Variants in PCDHGA8 observed in about 807,000 individuals in gnomAD.
PCDHGA8 encodes the protein protocadherin gamma subfamily A, 8.
In PCDHGA8, 45 loss-of-function variants were observed where a neutral mutation model predicts 59.2. The ratio of observed to expected loss-of-function variants is 0.76; its 90% confidence interval spans 0.60 to 0.98. The LOEUF is 0.98. Among genes scored for constraint, PCDHGA8 ranks in the 50% least tolerant of loss-of-function variants. PCDHGA8 has a pLI of 0.00. For synonymous variants in PCDHGA8, 531 were observed against 519.0 expected, an observed-to-expected ratio of 1.02 and a Z score of -0.32; for missense variants, 1,257 against 1,196.2, an observed-to-expected ratio of 1.05 and a Z score of -0.75.
At chr5:141,417,702 A>G (rs2096149298) in intron 1 of PCDHGA8, 2 of 1,199,336 alleles carry the variant, frequency 1.7e-6, no homozygotes, top group Non-Finnish European at 1.1e-6. Context: ...CAGCTCCCAC[A>G]CAGAGGCTCC....
At chr5:141,413,498 T>G (rs1187570193) in intron 1 of PCDHGA8, 1 of 1,614,026 alleles carries the variant, frequency 6.2e-7, no homozygotes, top group Admixed American at 1.7e-5. Context: ...CGGTGCGTGG[T>G]GAGTTTTAAT....
In PCDHGA8 at chr5:141,392,992, C is replaced by A. The variant is rs1233401263; in HGVS notation, c.179C>A (p.Ala60Glu). ...CTGGGGCTGGACCCCCGGAAGCTGG[C>A]GAAGCACGGAGTCCGTATCGTCTCC... is the stretch of plus-strand genomic sequence containing the variant. The part of the protein sequence containing the change: ...KDLGLDPRKL[A>E]KHGVRIVSRG... Residue 60 changes from alanine (A) to glutamate (E), a missense_variant, in exon 1 of 4, where the codon GCG (alanine) becomes GAG (glutamate). By Grantham distance (107) the Ala-to-Glu change is moderately radical. Transcript: ENST00000398604. 5 of 1,613,818 alleles carry A rather than the reference C, an allele frequency of 3.1e-6. No homozygotes were observed. The Admixed American group carries it at 5.0e-5, about 16-fold the overall frequency.
At position 141,491,222 on chromosome 5, in the gene PCDHGA8, C is replaced by A. The variant is rs1185734506; in HGVS notation, c.2425-3585C>A. 6.2e-7 allele frequency: 1 copy of A among 1,614,268 alleles called. No homozygotes were observed. Among genetic ancestry groups the A allele is most frequent in the East Asian group, 2.2e-5 (1 of 44,892 alleles). On this transcript the variant is annotated intron_variant, in intron 1 of 3. Transcript: ENST00000398604. This position sits in a 1 kb window ranked among gnomAD's most constrained non-coding sequence, Gnocchi z 6.9. Reference sequence around the variant, plus strand: ...GACCCTTCACTCTCCTCCACAGCCACAGTGCTGCTGGTTCTGGAGGATGAG... The same window carrying A: ...GACCCTTCACTCTCCTCCACAGCCAAAGTGCTGCTGGTTCTGGAGGATGAG...
At chr5:141,399,728 G>A in intron 1 of PCDHGA8, 1 of 1,613,276 alleles carries the variant, frequency 6.2e-7, no homozygotes, top group East Asian at 2.2e-5. Flanking sequence ...CGCGACCAGG[G>A]CTCGCCTGCG....
intron 2 of PCDHGA8, among the ~76,000 whole-genome samples, chr5:141,496,189 G>A (rs1362938002): frequency 1.3e-5 from 2 of 152,004 alleles, no homozygotes; most frequent in Admixed American, 6.6e-5. Flanking sequence ...AGCCCCAGCT[G>A]CTCATTTCAA....
intron 1 of PCDHGA8, chr5:141,414,124 G>T (rs1214312992): frequency 6.3e-7 from 1 of 1,592,872 alleles, no homozygotes; most frequent in East Asian, 2.3e-5. Flanking sequence ...TGAAGAAACC[G>T]GTTTCTATGA....
rs1011341002 is a variant in PCDHGA8, at chr5:141,476,141, G to T, written c.2425-18666G>T. 1 of 1,610,048 alleles carries T rather than the reference G, an allele frequency of 6.2e-7. No individual in the cohort carries two copies. The highest frequency in any genetic ancestry group is 2.2e-5 in the East Asian group (1 of 44,844). On this transcript the variant is annotated intron_variant, in intron 1 of 3. Coordinates refer to ENST00000398604, the MANE Select transcript of PCDHGA8 (RefSeq NM_032088.2). The surrounding 1 kb of genome is among the most constrained non-coding windows in gnomAD (Gnocchi z 7.6). ...GATGGTCCCAGAGGCCTGGAGGAGC[G>T]GACTGGTAAGCACCGGGAGGGTAGT...
intron 2 of PCDHGA8, among the ~76,000 whole-genome samples, chr5:141,504,722 C>T (rs747319660): frequency 1.3e-5 from 2 of 151,828 alleles, no homozygotes; most frequent in Non-Finnish European, 2.9e-5. Context: ...GGATTTTACT[C>T]TGAGGGCTTA....
chr5:141,459,117 T>A (rs1489347692), intron 1 of PCDHGA8, among the ~76,000 whole-genome samples: 1 of 152,224 alleles, frequency 6.6e-6, no homozygotes, highest in Non-Finnish European at 1.5e-5. Flanking sequence ...GACAATTGTT[T>A]ACATCTGTGT....
At chr5:141,509,344 T>A (rs2099876374) in intron 3 of PCDHGA8, among the ~76,000 whole-genome samples, 1 of 152,202 alleles carries the variant, frequency 6.6e-6, no homozygotes, top group Admixed American at 6.5e-5. Flanking sequence ...GGGCCTGGGC[T>A]GGCCTGGGCA....
At position 141,417,888 on chromosome 5, in the gene PCDHGA8, G is replaced by C. The variant is rs1406210540; in HGVS notation, c.2424+22651G>C. ...GGAGGGAGCTGCGCGCAGAGGCGCC[G>C]GGCCGGCCCGCGGCAGGTACTATTT... is the stretch of plus-strand genomic sequence containing the variant. On this transcript the variant is annotated intron_variant, in intron 1 of 3. Transcript: ENST00000398604. 1.3e-6 allele frequency: 2 copies of C among 1,566,652 alleles called. No homozygotes were observed. The highest frequency in any genetic ancestry group is 1.7e-4 in the Middle Eastern group (1 of 6,016).
rs141034739 is a variant in PCDHGA8 at position 141,491,100 on chromosome 5, C to T, written c.2425-3707C>T. The T allele has an allele frequency of 2.7e-4, 430 of 1,614,138 alleles. No homozygotes were observed. The African/African-American group carries it at 4.7e-3, about 18-fold the overall frequency. ...AGTCCACAGCCCCAGGACTGTTCCT[C>T]GTGTCTACACACACTGGTGAGGTGC... On this transcript the variant is annotated intron_variant, in intron 1 of 3. Transcript: ENST00000398604. The surrounding 1 kb of genome is among the most constrained non-coding windows in gnomAD (Gnocchi z 6.9).
Position 141,487,945 on chromosome 5 carries a change from G to A in PCDHGA8, c.2425-6862G>A, listed in dbSNP as rs2099669554. ...CAGTGCACAGGGTACAGTGCACCAG[G>A]CAGTCACTTGGACAAAGGTGGCTGT... On this transcript the variant is annotated intron_variant, in intron 1 of 3. Transcript: ENST00000398604. This position sits in a 1 kb window ranked among gnomAD's most constrained non-coding sequence, Gnocchi z 5.0. Among the ~76,000 whole-genome samples the A allele has an allele frequency of 6.6e-6, 1 of 152,198 alleles. No individual in the cohort carries two copies. Among genetic ancestry groups the A allele is most frequent in the Non-Finnish European group, 1.5e-5 (1 of 68,036 alleles).
At chr5:141,430,873 G>T in intron 1 of PCDHGA8, 5 of 1,598,960 alleles carry the variant, frequency 3.1e-6, no homozygotes, top group Non-Finnish European at 4.3e-6. Flanking sequence ...TTCCGGAAGA[G>T]CTGGAGAAAG....
chr5:141,499,418 A>G (rs143234735), intron 2 of PCDHGA8, among the ~76,000 whole-genome samples: 1 of 152,296 alleles, frequency 6.6e-6, no homozygotes, highest in East Asian at 1.9e-4. Context: ...GAAACATGAA[A>G]AATAGAAAAA....
At chr5:141,448,893 C>G (rs957997508) in intron 1 of PCDHGA8, among the ~76,000 whole-genome samples, 2 of 151,948 alleles carry the variant, frequency 1.3e-5, no homozygotes, top group Non-Finnish European at 2.9e-5. Flanking sequence ...TGCAGTGAGC[C>G]GAGATCGTGC....
intron 1 of PCDHGA8, chr5:141,433,186 G>A (rs753657435): frequency 1.4e-5 from 23 of 1,601,378 alleles, no homozygotes; most frequent in Non-Finnish European, 1.9e-5. Context: ...TAATTGAGGT[G>A]AGTTTATATC....
In PCDHGA8 at chr5:141,476,445, T is replaced by G. The variant is rs2099391853; in HGVS notation, c.2425-18362T>G. 1 of 1,613,956 alleles carries G rather than the reference T, an allele frequency of 6.2e-7. No individual in the cohort carries two copies. The highest frequency in any genetic ancestry group is 1.7e-5 in the Admixed American group (1 of 60,008). The stretch of plus-strand genomic sequence containing the variant: ...CCCTCTTGCACTGTAACTCTGGAGT[T>G]GGTAGTGGAGAACCCGCTGGAGCTG... On this transcript the variant is annotated intron_variant, in intron 1 of 3. Coordinates refer to ENST00000398604, the MANE Select transcript of PCDHGA8 (RefSeq NM_032088.2). This position sits in a 1 kb window ranked among gnomAD's most constrained non-coding sequence, Gnocchi z 7.6.
rs192741775 is a variant in PCDHGA8, at chr5:141,428,173, C to A, written c.2424+32936C>A. The A allele has an allele frequency of 3.2e-4, 487 of 1,514,722 alleles. 1 individual carries two copies. In the Middle Eastern group the frequency reaches 7.1e-3, roughly 22 times the overall value. The allele number at this position is 1,514,722 out of a possible 1,614,324, so 93.8% of individuals were successfully genotyped here. On this transcript the variant is annotated intron_variant, in intron 1 of 3. Transcript: ENST00000398604. The stretch of plus-strand genomic sequence containing the variant: ...GGAACCTGCTGGTTGCTGTGCGTGA[C>A]GGAGGACAGCCGCCGCTCTCTGCGC...
Sources: allele counts gnomAD v4.1 joint callset (sites outside exome capture counted in the v4.1 genomes callset), GRCh38; gene constraint gnomAD v4.1.1; non-coding constraint Gnocchi (gnomAD v3.1); transcripts MANE v1.5; gene names NCBI Gene and HGNC (gene_info 2026-07-23, HGNC 2026-07-21).